The following HYDIN variants were observed in gnomAD, a reference collection of about 807,000 sequenced individuals.
The protein encoded by HYDIN is axonemal central pair apparatus protein HYDIN.
A neutral mutation model predicts 403.9 loss-of-function variants in HYDIN; 132 were observed. That is an observed-to-expected ratio of 0.33 (90% CI 0.28 to 0.38). The LOEUF is 0.38. HYDIN is among the 10% of genes least tolerant of loss of function. The pLI is 1.00. For synonymous variants in HYDIN, 1,202 were observed against 1,891.7 expected (o/e 0.64, Z 9.46); for missense variants, 2,827 against 5,009.5 (o/e 0.56, Z 13.15).
chr16:71,200,547 T>C (rs1260281977), intron 1 of HYDIN, among the ~76,000 whole-genome samples: 2 of 152,180 alleles, frequency 1.3e-5, no homozygotes, highest in East Asian at 1.9e-4. Flanking sequence ...CAGGCTGAGA[T>C]ACAATTCCTG....
At chr16:70,843,100 G>C (rs1191736952) in intron 75 of HYDIN, among the ~76,000 whole-genome samples, 1 of 149,302 alleles carries the variant, frequency 6.7e-6, no homozygotes, top group Non-Finnish European at 1.5e-5. Context: ...GTGCAGGTTA[G>C]TTACATATGT....
intron 1 of HYDIN, 66 bp from the exon 2 acceptor site, chr16:71,186,984 T>G: frequency 9.4e-7 from 1 of 1,059,176 alleles, no homozygotes; most frequent in Non-Finnish European, 1.4e-6. Context: ...TCATAATTTT[T>G]TTTAAGCTTT....
Position 70,804,896 on chromosome 16 carries a change from T to C in HYDIN, c.*2684A>G, listed in dbSNP as rs1052477502. ...GGAAGCACTGGAACAGGTCTGAAGT[T>C]GGGGGAGTTGCCCCTAGCCACCCCA... On this transcript the variant is annotated 3_prime_UTR_variant, in exon 86 of 86. Coordinates refer to ENST00000393567, the MANE Select transcript of HYDIN (RefSeq NM_001270974.2). Among the ~76,000 whole-genome samples, 1 of 152,206 alleles carries C rather than the reference T, an allele frequency of 6.6e-6. No homozygotes were observed. The highest frequency in any genetic ancestry group is 1.5e-5 in the Non-Finnish European group (1 of 68,028).
intron 1 of HYDIN, among the ~76,000 whole-genome samples, chr16:71,191,717 G>A (rs2087447496): frequency 6.6e-6 from 1 of 151,984 alleles, no homozygotes; most frequent in African/African-American, 2.4e-5. Flanking sequence ...CCATTCTAGA[G>A]GGTTTATCCC....
At chr16:71,024,081 G>A (rs1411805173) in intron 21 of HYDIN, among the ~76,000 whole-genome samples, 2 of 152,202 alleles carry the variant, frequency 1.3e-5, no homozygotes, top group African/African-American at 4.8e-5. Flanking sequence ...ACTGTGCCTA[G>A]CACATGATAG....
At chr16:70,859,267 C>T (rs1403091879) in intron 71 of HYDIN, among the ~76,000 whole-genome samples, 1 of 152,030 alleles carries the variant, frequency 6.6e-6, no homozygotes, top group Non-Finnish European at 1.5e-5. Flanking sequence ...CGCCACTGCA[C>T]TCCAGCCTGG....
chr16:71,000,714 C>T (rs2079678159), intron 23 of HYDIN, among the ~76,000 whole-genome samples: 2 of 151,720 alleles, frequency 1.3e-5, no homozygotes, highest in Non-Finnish European at 2.9e-5. Flanking sequence ...TCTCATTAGC[C>T]TCAGTGGGTA....
intron 10 of HYDIN, among the ~76,000 whole-genome samples, chr16:71,102,407 T>C (rs2083483896): frequency 2.0e-5 from 3 of 152,252 alleles, no homozygotes; most frequent in Non-Finnish European, 2.9e-5. Context: ...TGTTGTGTGT[T>C]TGTGTGCACA....
intron 53 of HYDIN, among the ~76,000 whole-genome samples, chr16:70,897,477 G>A (rs547507802): frequency 2.1e-4 from 32 of 151,686 alleles, no homozygotes; most frequent in African/African-American, 6.6e-4. Flanking sequence ...AAACTGGACC[G>A]ACTTGAGTTT....
intron 40 of HYDIN, among the ~76,000 whole-genome samples, chr16:70,954,765 A>G (rs1410744680): frequency 6.6e-6 from 1 of 152,080 alleles, no homozygotes; most frequent in Non-Finnish European, 1.5e-5. Flanking sequence ...TTTTCTGATC[A>G]TTTTTCCATA....
intron 23 of HYDIN, among the ~76,000 whole-genome samples, chr16:71,007,627 C>G (rs979827591): frequency 2.8e-5 from 4 of 141,562 alleles, no homozygotes; most frequent in African/African-American, 8.6e-5. Flanking sequence ...TCATACCAGT[C>G]AGAATGGCGA....
At chr16:71,174,816 G>T (rs187031283) in intron 5 of HYDIN, among the ~76,000 whole-genome samples, 90 of 152,268 alleles carry the variant, frequency 5.9e-4, no homozygotes, top group African/African-American at 2.0e-3. Context: ...TGAGCTGATG[G>T]GGGTGAGCAG....
In HYDIN at chr16:70,807,925, C is replaced by T. The variant is rs772210515; in HGVS notation, c.15021G>A (p.Ser5007=). The change falls in exon 86 of 86, where the codon TCG becomes TCA. Residue 5007 remains serine (S), a synonymous_variant. Transcript: ENST00000393567. ...GGATGATATACTCTCCACCTGCGAG[C>T]GATGATAGGATCAGGATGCCCTTGG... The part of the protein sequence containing the change: ...GETKGILILS[S]LAGGEYIIPL... 16 of 1,614,146 alleles carry T rather than the reference C, an allele frequency of 9.9e-6. No individual in the cohort carries two copies. Among genetic ancestry groups the T allele is most frequent in the Admixed American group, 6.7e-5 (4 of 60,020 alleles).
chr16:70,892,305 A>G (rs1466317615), intron 56 of HYDIN, 56 bp downstream of exon 56: 15 of 1,559,478 alleles, frequency 9.6e-6, no homozygotes, highest in Middle Eastern at 2.4e-4. Flanking sequence ...CTTCTTTGCA[A>G]CAGGAGTCGT....
chr16:70,832,701 G>A (rs983126130), intron 80 of HYDIN, 147 bp downstream of exon 80: 6 of 614,030 alleles, frequency 9.8e-6, no homozygotes, highest in East Asian at 8.2e-5. Context: ...ATGAAGAGGG[G>A]AGAATGAATA....
At chr16:70,842,485 C>T (rs913607844) in intron 75 of HYDIN, among the ~76,000 whole-genome samples, 20 of 151,958 alleles carry the variant, frequency 1.3e-4, no homozygotes, top group Admixed American at 3.9e-4. Flanking sequence ...CTTTATCTAT[C>T]GCTAGGAATA....
At chr16:71,156,650 C>T (rs2085779963) in intron 6 of HYDIN, among the ~76,000 whole-genome samples, 1 of 151,906 alleles carries the variant, frequency 6.6e-6, no homozygotes, top group South Asian at 2.1e-4. Flanking sequence ...TTCTTAAGAA[C>T]TAAAACCATC....
intron 73 of HYDIN, 115 bp downstream of exon 73, chr16:70,855,013 G>A: frequency 2.7e-6 from 2 of 754,644 alleles, no homozygotes; most frequent in Middle Eastern, 3.7e-4. Context: ...TTGTTATGAT[G>A]TAATCTTAGA....
Position 71,067,366 on chromosome 16 carries a change from G to A in HYDIN, c.1999C>T (p.Gln667Ter). The change falls in exon 15 of 86, where the codon CAG (glutamine) becomes TAG (stop). Residue 667 changes from glutamine (Q) to a stop codon, truncating the protein, a stop_gained. Coordinates refer to ENST00000393567, the MANE Select transcript of HYDIN (RefSeq NM_001270974.2). LOFTEE classifies it high-confidence loss of function. ...IRVTLCSNTVQKYELALVVDV... is the reference protein window; with the variant it reads ...IRVTLCSNTV Reference sequence around the variant, plus strand: ...ACCACGAGTGCCAGCTCGTATTTCTGCACAGTGTTGGAGCATAATGTCACC... The same window carrying A: ...ACCACGAGTGCCAGCTCGTATTTCTACACAGTGTTGGAGCATAATGTCACC... 1.9e-6 allele frequency: 3 copies of A among 1,611,744 alleles called. No individual in the cohort carries two copies. Among genetic ancestry groups the A allele is most frequent in the Non-Finnish European group, 2.5e-6 (3 of 1,179,262 alleles).
Sources: gnomAD v4.1 joint callset for allele counts (sites outside exome capture counted in the v4.1 genomes callset) on GRCh38, gnomAD v4.1.1 for gene constraint, MANE v1.5 for transcripts, NCBI Gene and HGNC (gene_info 2026-07-23, HGNC 2026-07-21) for gene names.